CFAP97: variants seen among roughly 807,000 people sequenced by gnomAD.
CFAP97 encodes cilia- and flagella-associated protein 97.
A neutral mutation model predicts 43.1 loss-of-function variants in CFAP97; 36 were observed. That is an observed-to-expected ratio of 0.84 (90% CI 0.64 to 1.10). The LOEUF (loss-of-function observed/expected upper bound fraction) is 1.10, where lower values mean the gene tolerates loss of function less well. CFAP97 is among the 50% of genes least tolerant of loss of function. The pLI is 0.00. For missense variants in CFAP97, 657 were observed against 620.3 expected (o/e 1.06, Z -0.63); for synonymous variants, 228 against 225.7 (o/e 1.01, Z -0.09).
intron 1 of CFAP97, 182 bp downstream of exon 1, chr4:185,203,716 C>G (rs1737035115): frequency 6.6e-6 from 1 of 152,180 alleles, no homozygotes. Context: ...CGCCGCGACC[C>G]GCCGCCGCGG....
intron 2 of CFAP97, 53 bp downstream of exon 2, chr4:185,190,090 A>T: frequency 1.5e-6 from 2 of 1,343,870 alleles, no homozygotes; most frequent in Non-Finnish European, 2.0e-6. Context: ...TTTAATATTT[A>T]TGCCCAATAT....
rs749104945 is a variant in CFAP97, at chr4:185,175,986, C to T, written c.1120G>A (p.Gly374Arg). Residue 374 changes from glycine (G) to arginine (R), a missense_variant, in exon 3 of 5, where the codon GGG (glycine) becomes AGG (arginine). Coordinates refer to ENST00000458385, the MANE Select transcript of CFAP97 (RefSeq NM_020827.3). ...TCTCTTGTGAAAGAGTAGTTTTTCCCGGGTGCTACTGAAGGCTGATCAAAG... is the reference window on the plus strand; with the variant it reads ...TCTCTTGTGAAAGAGTAGTTTTTCCTGGGTGCTACTGAAGGCTGATCAAAG... ...HHFDQPSVAP[G>R]KNYSFTREEV... 14 of 1,613,122 alleles carry T rather than the reference C, an allele frequency of 8.7e-6. No individual in the cohort carries two copies. The highest frequency in any genetic ancestry group is 4.0e-5 in the African/African-American group (3 of 74,688).
upstream of CFAP97, among the ~76,000 whole-genome samples, chr4:185,206,885 T>C (rs1435652289): frequency 6.6e-6 from 1 of 152,068 alleles, no homozygotes; most frequent in Non-Finnish European, 1.5e-5. Flanking sequence ...AACCAGGGAA[T>C]AGGATGGCAT....
At chr4:185,207,210 C>CTTTTTT (rs34373262), upstream of CFAP97, among the ~76,000 whole-genome samples, 3 of 76,814 alleles carry the variant, frequency 3.9e-5, no homozygotes, top group Admixed American at 1.8e-4. Context: ...ACCAGTCACA[C>CTTTTTT]TTTTTTTTTT....
At chr4:185,176,948 G>A (rs1238810757) in intron 2 of CFAP97, among the ~76,000 whole-genome samples, 1 of 152,074 alleles carries the variant, frequency 6.6e-6, no homozygotes, top group African/African-American at 2.4e-5. Flanking sequence ...TAAACAGAAA[G>A]GTGTTTTTAG....
chr4:185,191,160 C>T lies in CFAP97; in HGVS notation c.37G>A (p.Asp13Asn). ...AAGTCACTGTCAAAGAAAGAATGGT[C>T]CACTTCACCTTCTAATATATCTCCA... is the stretch of plus-strand genomic sequence containing the variant. ...QFGDILEGEV[D>N]HSFFDSDFEE... The change falls in exon 2 of 5, where the codon GAC (aspartate) becomes AAC (asparagine). Residue 13 changes from aspartate (D) to asparagine (N), a missense_variant. Transcript: ENST00000458385. 1 of 1,596,606 alleles carries T rather than the reference C, an allele frequency of 6.3e-7. No homozygotes were observed. The highest frequency in any genetic ancestry group is 8.5e-7 in the Non-Finnish European group (1 of 1,173,796).
intron 1 of CFAP97, among the ~76,000 whole-genome samples, chr4:185,196,197 G>A (rs756888930): frequency 3.9e-5 from 6 of 152,162 alleles, no homozygotes; most frequent in Non-Finnish European, 7.3e-5. Context: ...TTATAGGCCA[G>A]GTGCAGTGGC....
At chr4:185,175,723 A>G in intron 3 of CFAP97, 63 bp downstream of exon 3, 1 of 1,493,804 alleles carries the variant, frequency 6.7e-7, no homozygotes. Context: ...GTTTCCTGTA[A>G]GCTGGACATA....
intron 3 of CFAP97, among the ~76,000 whole-genome samples, chr4:185,171,711 A>AAGAAT (rs1282691521): frequency 6.6e-6 from 1 of 152,172 alleles, no homozygotes; most frequent in East Asian, 1.9e-4. Flanking sequence ...ATGGTTTAAC[A>AAGAAT]AGAATATTTC....
chr4:185,195,247 G>C (rs1186002397), intron 1 of CFAP97, among the ~76,000 whole-genome samples: 3 of 152,134 alleles, frequency 2.0e-5, no homozygotes, highest in Non-Finnish European at 4.4e-5. Context: ...TCAGCAGTTA[G>C]GGAGGCCAAG....
intron 1 of CFAP97, among the ~76,000 whole-genome samples, chr4:185,191,897 A>T (rs533867825): frequency 6.6e-6 from 1 of 152,310 alleles, no homozygotes; most frequent in Non-Finnish European, 1.5e-5. Context: ...TAGAGTTTAG[A>T]GTAAGAAAGG....
At chr4:185,193,260 GACAA>G (rs1300176637) in intron 1 of CFAP97, among the ~76,000 whole-genome samples, 6 of 152,118 alleles carry the variant, frequency 3.9e-5, no homozygotes, top group African/African-American at 1.4e-4. Flanking sequence ...AAAGAAAAAA[GACAA>G]ACATACATAA....
intron 2 of CFAP97, among the ~76,000 whole-genome samples, chr4:185,183,870 T>A (rs1202296650): frequency 6.6e-6 from 1 of 152,230 alleles, no homozygotes; most frequent in Non-Finnish European, 1.5e-5. Flanking sequence ...GTACTATGAA[T>A]AAAGCTTCCC....
At chr4:185,183,740 T>C (rs1479493059) in intron 2 of CFAP97, among the ~76,000 whole-genome samples, 1 of 152,220 alleles carries the variant, frequency 6.6e-6, no homozygotes, top group Non-Finnish European at 1.5e-5. Flanking sequence ...GATTGTTATA[T>C]TATGGACTCC....
rs753495178 is a variant in CFAP97 at position 185,162,823 on chromosome 4, G to C, written c.1574C>G (p.Pro525Arg). The C allele has an allele frequency of 2.5e-6, 4 of 1,613,086 alleles. No homozygotes were observed. In the East Asian group the frequency reaches 6.7e-5, roughly 27 times the overall value. The stretch of plus-strand genomic sequence containing the variant: ...TTATAACCAAGCTGTACGGACATTA[G>C]GGGGTTTAGGTCTTCTTCGAGGGTG... Reference protein sequence around the residue: ...SGHPRRRPKPPNVRTAWL With the variant: ...SGHPRRRPKPRNVRTAWL Residue 525 changes from proline to arginine, a missense_variant, in exon 5 of 5, where the codon CCT becomes CGT. Pro to Arg is a moderately radical substitution (Grantham distance 103, BLOSUM62 -2). Transcript: ENST00000458385.
chr4:185,173,466 A>G (rs1735389974), intron 3 of CFAP97, among the ~76,000 whole-genome samples: 1 of 152,160 alleles, frequency 6.6e-6, no homozygotes, highest in Non-Finnish European at 1.5e-5. Context: ...AAGGAACTAA[A>G]AGCAGGGACA....
chr4:185,197,850 C>G, intron 1 of CFAP97, among the ~76,000 whole-genome samples: 1 of 152,142 alleles, frequency 6.6e-6, no homozygotes, highest in East Asian at 1.9e-4. Context: ...AGGAGACAGG[C>G]CAAAAGCTAG....
chr4:185,167,311 T>C (rs1353426689), intron 3 of CFAP97, among the ~76,000 whole-genome samples: 1 of 151,822 alleles, frequency 6.6e-6, no homozygotes, highest in African/African-American at 2.4e-5. Context: ...TTACAAAAAA[T>C]ACAAAAATTA....
chr4:185,192,827 G>A (rs965195301), intron 1 of CFAP97, among the ~76,000 whole-genome samples: 1 of 135,934 alleles, frequency 7.4e-6, no homozygotes, highest in African/African-American at 2.8e-5. Context: ...TGCAAGCTCC[G>A]CCTCCCGGGT....
Sources: allele counts gnomAD v4.1 joint callset (sites outside exome capture counted in the v4.1 genomes callset), GRCh38; gene constraint gnomAD v4.1.1; transcripts MANE v1.5; gene names NCBI Gene and HGNC (gene_info 2026-07-23, HGNC 2026-07-21).